FANCE: variants seen among roughly 807,000 people sequenced by gnomAD.
The protein encoded by FANCE is Fanconi anemia group E protein.
A neutral mutation model predicts 57.8 loss-of-function variants in FANCE; 42 were observed. The observed-to-expected ratio is 0.73, with a 90% CI of 0.57 to 0.94. The LOEUF is 0.94. Among genes scored for constraint, FANCE ranks in the 40% least tolerant of loss-of-function variants. The probability of loss-of-function intolerance (pLI) is 0.00; values close to 1 mark genes in which losing one functional copy is unlikely to be tolerated. For synonymous variants in FANCE, 251 were observed against 286.4 expected (o/e 0.88, Z 1.25); for missense variants, 608 against 661.8 (o/e 0.92, Z 0.89).
chr6:35,462,410 A>G (rs916310844), intron 8 of FANCE, among the ~76,000 whole-genome samples: 1 of 152,096 alleles, frequency 6.6e-6, no homozygotes, highest in African/African-American at 2.4e-5. Flanking sequence ...CCTAGCATAA[A>G]TTATTATTAT....
chr6:35,454,596 C>T (rs1034911904), intron 1 of FANCE, among the ~76,000 whole-genome samples: 1 of 152,166 alleles, frequency 6.6e-6, no homozygotes, highest in Non-Finnish European at 1.5e-5. Flanking sequence ...GTTTGTGCCT[C>T]AGCAGAATTA....
At chr6:35,463,900 G>C (rs1278947771) in intron 9 of FANCE, among the ~76,000 whole-genome samples, 1 of 152,036 alleles carries the variant, frequency 6.6e-6, no homozygotes, top group African/African-American at 2.4e-5. Flanking sequence ...TCCTGACCTT[G>C]TGATCAGCCC....
In FANCE at chr6:35,457,445, G is replaced by T. The variant is rs187707717; in HGVS notation, c.856-111G>T. On this transcript the variant is annotated intron_variant, in intron 2 of 9. Transcript: ENST00000229769. Reference sequence around the variant, plus strand: ...CTCTTGACTTTCTTGAATCATCTTTGCCAGCTAGCTCCCACTGACCTGGGG... The same window carrying T: ...CTCTTGACTTTCTTGAATCATCTTTTCCAGCTAGCTCCCACTGACCTGGGG... 5,312 of 1,196,742 alleles carry T rather than the reference G, an allele frequency of 4.4e-3. 44 individuals are homozygous for T. Among genetic ancestry groups the T allele is most frequent in the Middle Eastern group, 0.02 (87 of 4,268 alleles). The allele number at this position is 1,196,742 out of a possible 1,614,324, so 74.1% of individuals were successfully genotyped here. A position where few individuals can be genotyped will look rare whatever the true frequency, so the allele number is the denominator to read the frequency against.
Position 35,458,280 on chromosome 6 carries a change from C to A in FANCE, c.970-17C>A, listed in dbSNP as rs758179752. ...GCATGTCCCGGTGTCCTCTCTCCCC[C>A]CGCACTCTGTAAGCAGATGGACTTG... is the stretch of plus-strand genomic sequence containing the variant. On this transcript the variant is annotated splice_polypyrimidine_tract_variant and intron_variant, in intron 4 of 9. Coordinates refer to ENST00000229769, the MANE Select transcript of FANCE (RefSeq NM_021922.3). 31 of 1,612,996 alleles carry A rather than the reference C, an allele frequency of 1.9e-5. No individual in the cohort carries two copies. In the South Asian group the frequency reaches 3.4e-4, roughly 18 times the overall value.
At chr6:35,463,534 A>T (rs949612078) in intron 9 of FANCE, among the ~76,000 whole-genome samples, 1 of 152,178 alleles carries the variant, frequency 6.6e-6, no homozygotes, top group Non-Finnish European at 1.5e-5. Flanking sequence ...AATAAAATAA[A>T]CAGATAACAG....
At chr6:35,461,634 A>G (rs552930176) in intron 8 of FANCE, among the ~76,000 whole-genome samples, 25 of 150,636 alleles carry the variant, frequency 1.7e-4, no homozygotes, top group African/African-American at 5.4e-4. Context: ...TATATCTTAG[A>G]TAACTGACCT....
rs758504114 is a variant in FANCE, at chr6:35,456,029, G to T, written c.531G>T (p.Arg177Ser). ...GGGGGCTGGGCCTGGGGGGCAGGAG[G>T]TTGAAATCCCCCCAGGCTCCAGACC... is the stretch of plus-strand genomic sequence containing the variant. ...LCRGLGLGGR[R>S]LKSPQAPDPE... Residue 177 changes from arginine (R) to serine (S), a missense_variant, in exon 2 of 10, where the codon AGG (arginine) becomes AGT (serine). Coordinates refer to ENST00000229769, the MANE Select transcript of FANCE (RefSeq NM_021922.3). This position sits in a 1 kb window ranked among gnomAD's most constrained non-coding sequence, Gnocchi z 4.3. 1 of 1,612,926 alleles carries T rather than the reference G, an allele frequency of 6.2e-7. No individual in the cohort carries two copies. Among genetic ancestry groups the T allele is most frequent in the South Asian group, 1.1e-5 (1 of 91,058 alleles).
chr6:35,466,871 G>C lies in FANCE; in HGVS notation c.*526G>C, dbSNP rs989403953. The C allele has an allele frequency of 1.7e-5, 4 of 241,676 alleles. No homozygotes were observed. The Admixed American group carries it at 2.0e-4, about 12-fold the overall frequency. 15.0% of individuals were successfully genotyped at this position (241,676 alleles called of 1,614,324 possible). On this transcript the variant is annotated 3_prime_UTR_variant, in exon 10 of 10. Coordinates refer to ENST00000229769, the MANE Select transcript of FANCE (RefSeq NM_021922.3). The stretch of plus-strand genomic sequence containing the variant: ...CCAGGCCAGAGCTATATTTCCAAAG[G>C]CTGCTGGCCCCAGGCACACTCCTCA...
chr6:35,459,661 C>T (rs750761652), intron 6 of FANCE, 21 bp from the exon 7 acceptor site: 1 of 1,613,146 alleles, frequency 6.2e-7, no homozygotes, highest in Non-Finnish European at 8.5e-7. Flanking sequence ...CAGACTTCCC[C>T]TTCTGCTGTC....
Position 35,456,497 on chromosome 6 carries a change from T to C in FANCE, c.855+144T>C, listed in dbSNP as rs1767349318. The C allele has an allele frequency of 9.4e-7, 1 of 1,059,214 alleles. No individual in the cohort carries two copies. Among genetic ancestry groups the C allele is most frequent in the Non-Finnish European group, 1.5e-6 (1 of 686,342 alleles). The allele number at this position is 1,059,214 out of a possible 1,614,324, so 65.6% of individuals were successfully genotyped here. On this transcript the variant is annotated intron_variant, in intron 2 of 9. Coordinates refer to ENST00000229769, the MANE Select transcript of FANCE (RefSeq NM_021922.3). This position sits in a 1 kb window ranked among gnomAD's most constrained non-coding sequence, Gnocchi z 4.3. ...AAGGAGGAAGGTAGGGTTGAGGGAATGTAGCCTCCACTCTACAGACTCTTT... is the reference window on the plus strand; with the variant it reads ...AAGGAGGAAGGTAGGGTTGAGGGAACGTAGCCTCCACTCTACAGACTCTTT...
chr6:35,458,425 C>G lies in FANCE; in HGVS notation c.1098C>G (p.Ser366Arg), dbSNP rs769363785. 6.2e-7 allele frequency: 1 copy of G among 1,614,136 alleles called. No individual in the cohort carries two copies. Residue 366 changes from serine (S) to arginine (R), a missense_variant, in exon 5 of 10, where the codon AGC (serine) becomes AGG (arginine). Coordinates refer to ENST00000229769, the MANE Select transcript of FANCE (RefSeq NM_021922.3). ...GCAATGCTACTGTGCTGACCAGAAG[C>G]CTCTTTCTTGGACGGGTAGGTGTAT... Reference protein sequence around the residue: ...SLSNATVLTRSLFLGRILSLT... With the variant: ...SLSNATVLTRRLFLGRILSLT...
chr6:35,454,562 C>T (rs1216541205), intron 1 of FANCE, among the ~76,000 whole-genome samples: 5 of 152,124 alleles, frequency 3.3e-5, no homozygotes, highest in Admixed American at 1.3e-4. Flanking sequence ...TGCCACACCA[C>T]GCCTCAGGTC....
chr6:35,465,511 G>T (rs1767797236), intron 9 of FANCE, among the ~76,000 whole-genome samples: 1 of 152,158 alleles, frequency 6.6e-6, no homozygotes, highest in African/African-American at 2.4e-5. Flanking sequence ...TTGAAAGTCA[G>T]GTATTCTGGG....
intron 5 of FANCE, 108 bp from the exon 6 acceptor site, chr6:35,459,223 G>GTT: frequency 3.0e-5 from 40 of 1,329,732 alleles, no homozygotes; most frequent in African/African-American, 7.3e-5. Context: ...AAAGAACTTG[G>GTT]TTTTTTTTTT....
At chr6:35,454,831 C>T (rs2150888687) in intron 1 of FANCE, among the ~76,000 whole-genome samples, 1 of 152,372 alleles carries the variant, frequency 6.6e-6, no homozygotes, top group South Asian at 2.1e-4. Context: ...TCTGGGAAGC[C>T]TTCTGTGTCC....
In FANCE at chr6:35,452,746, G is replaced by T; in HGVS notation, c.201G>T (p.Leu67=). 3 of 1,270,804 alleles carry T rather than the reference G, an allele frequency of 2.4e-6. No individual in the cohort carries two copies. The highest frequency in any genetic ancestry group is 3.0e-6 in the Non-Finnish European group (3 of 1,005,712). The allele number at this position is 1,270,804 out of a possible 1,614,324, so 78.7% of individuals were successfully genotyped here. ...PFDWGRLLEA[L]CREEPVVQGP... Reference sequence around the variant, plus strand: ...ACTGGGGTCGCTTGCTCGAGGCCCTGTGCCGGGAGGAGCCGGTCGTGCAGG... The same window carrying T: ...ACTGGGGTCGCTTGCTCGAGGCCCTTTGCCGGGAGGAGCCGGTCGTGCAGG... Residue 67 remains leucine (L), a synonymous_variant, in exon 1 of 10, where the codon CTG becomes CTT. Coordinates refer to ENST00000229769, the MANE Select transcript of FANCE (RefSeq NM_021922.3).
rs1480350743 is a variant in FANCE at position 35,452,794 on chromosome 6, G to C, written c.248+1G>C. 1.5e-6 allele frequency: 2 copies of C among 1,314,356 alleles called. No homozygotes were observed. The highest frequency in any genetic ancestry group is 2.0e-5 in the South Asian group (1 of 49,274). 81.4% of individuals were successfully genotyped at this position (1,314,356 alleles called of 1,614,324 possible). A position where few individuals can be genotyped will look rare whatever the true frequency, so the allele number is the denominator to read the frequency against. ...AGGGGCCTGACGGCCGTCTGGAGCT[G>C]TAAGTCCTCGCCCGCGGCCCCTTAG... On this transcript the variant is annotated splice_donor_variant, in intron 1 of 9. Coordinates refer to ENST00000229769, the MANE Select transcript of FANCE (RefSeq NM_021922.3). LOFTEE classifies it high-confidence loss of function.
At position 35,457,558 on chromosome 6, in the gene FANCE, C is replaced by G; in HGVS notation, c.858C>G (p.Asp286Glu). Residue 286 changes from aspartate (D) to glutamate (E), a missense_variant and splice_region_variant, in exon 3 of 10, where the codon GAC (aspartate) becomes GAG (glutamate). Coordinates refer to ENST00000229769, the MANE Select transcript of FANCE (RefSeq NM_021922.3). Reference protein sequence around the residue: ...ESLELPKAIQDQLPRLQQLLK... With the variant: ...ESLELPKAIQEQLPRLQQLLK... ...AGTGACTGGGCTCTCCTCCACAGGA[C>G]CAGCTTCCCAGGCTGCAGCAGCTGC... The G allele has an allele frequency of 6.2e-7, 1 of 1,613,834 alleles. No homozygotes were observed. The highest frequency in any genetic ancestry group is 8.5e-7 in the Non-Finnish European group (1 of 1,180,006).
rs550954755 is a variant in FANCE, at chr6:35,456,640, G to A, written c.855+287G>A. On this transcript the variant is annotated intron_variant, in intron 2 of 9. Transcript: ENST00000229769. The surrounding 1 kb of genome is among the most constrained non-coding windows in gnomAD (Gnocchi z 4.3). ...AGCGATTCTCCTGCCTCAGCTTCCT[G>A]AGTAGCTGGGATTATAGGCATGCGC... Among the ~76,000 whole-genome samples the A allele has an allele frequency of 6.6e-6, 1 of 152,186 alleles. No individual in the cohort carries two copies. The highest frequency in any genetic ancestry group is 2.4e-5 in the African/African-American group (1 of 41,510).
Sources: gnomAD v4.1 joint callset for allele counts (sites outside exome capture counted in the v4.1 genomes callset) on GRCh38, gnomAD v4.1.1 for gene constraint, Gnocchi (gnomAD v3.1) non-coding constraint, MANE v1.5 for transcripts, NCBI Gene and HGNC (gene_info 2026-07-23, HGNC 2026-07-21) for gene names.